Variants in MAF observed in about 807,000 individuals in gnomAD.
MAF encodes the protein transcription factor Maf.
MAF carries 10 observed loss-of-function variants against 22.0 expected under a neutral mutation model. That is an observed-to-expected ratio of 0.45 (90% CI 0.28 to 0.77). The LOEUF is 0.77. MAF is among the 30% of genes least tolerant of loss of function. The pLI, the probability that MAF is intolerant of heterozygous loss-of-function variation, is 0.12. For missense variants in MAF, 544 were observed against 548.4 expected, an observed-to-expected ratio of 0.99 and a Z score of 0.08; for synonymous variants, 337 against 255.8, an observed-to-expected ratio of 1.32 and a Z score of -3.03.
chr16:79,564,977 G>C, the MAF span, among the ~76,000 whole-genome samples: 1 of 152,192 alleles, frequency 6.6e-6, no homozygotes, highest in Non-Finnish European at 1.5e-5. Context: ...CCTTACACAT[G>C]TCTTACATCT....
chr16:79,512,395 G>T, the MAF span, among the ~76,000 whole-genome samples: 1 of 152,162 alleles, frequency 6.6e-6, no homozygotes, highest in African/African-American at 2.4e-5. Context: ...CTGCACATGA[G>T]CTTTGAGGGT....
At chr16:79,385,711 G>T in the MAF span, among the ~76,000 whole-genome samples, 4 of 152,054 alleles carry the variant, frequency 2.6e-5, no homozygotes, top group Non-Finnish European at 5.9e-5. Context: ...GATGAGCCTG[G>T]CCAACATGGC....
In MAF at chr16:79,599,749, C is replaced by G. The variant is rs1597849227; in HGVS notation, c.154G>C (p.Gly52Arg). The G allele has an allele frequency of 6.2e-7, 1 of 1,612,904 alleles. No individual in the cohort carries two copies. Residue 52 changes from glycine to arginine, a missense_variant, in exon 1 of 2, where the codon GGG becomes CGG. By Grantham distance (125) the Gly-to-Arg change is moderately radical. Coordinates refer to ENST00000326043, the MANE Select transcript of MAF (RefSeq NM_005360.5). ...IISQCGRLIA[G>R]GSLSSTPMST... Reference sequence around the variant, plus strand: ...ATGGGGGTGGAGGACAGCGAGCCCCCGGCGATGAGACGGCCGCACTGGCTG... The same window carrying G: ...ATGGGGGTGGAGGACAGCGAGCCCCGGGCGATGAGACGGCCGCACTGGCTG...
chr16:79,312,709 A>G, the MAF span, among the ~76,000 whole-genome samples: 2 of 152,226 alleles, frequency 1.3e-5, no homozygotes, highest in East Asian at 1.9e-4. Context: ...CGCTACTTTC[A>G]TATCTAATCG....
At chr16:79,458,993 T>A in the MAF span, among the ~76,000 whole-genome samples, 1 of 152,146 alleles carries the variant, frequency 6.6e-6, no homozygotes, top group African/African-American at 2.4e-5. Flanking sequence ...CTTTCCCAGA[T>A]TTCCTGGGAA....
chr16:79,475,179 G>A, the MAF span, among the ~76,000 whole-genome samples: 7 of 152,124 alleles, frequency 4.6e-5, no homozygotes, highest in African/African-American at 1.7e-4. Context: ...GAGTTTAGAA[G>A]AATTGGAAGG....
the MAF span, among the ~76,000 whole-genome samples, chr16:79,322,831 GC>G: frequency 6.6e-6 from 1 of 152,036 alleles, no homozygotes; most frequent in South Asian, 2.1e-4. Context: ...CATAGTCCCT[GC>G]CAAAGGGTTC....
At chr16:79,210,308 G>A in the MAF span, among the ~76,000 whole-genome samples, 1 of 152,100 alleles carries the variant, frequency 6.6e-6, no homozygotes, top group Non-Finnish European at 1.5e-5. Context: ...CCTTCCTTGG[G>A]ACCCTATTTC....
At chr16:79,520,542 G>T in the MAF span, among the ~76,000 whole-genome samples, 1 of 152,094 alleles carries the variant, frequency 6.6e-6, no homozygotes, top group African/African-American at 2.4e-5. Context: ...TGGATAAGTA[G>T]TACATAAATA....
At chr16:79,529,938 G>A in the MAF span, among the ~76,000 whole-genome samples, 2 of 149,334 alleles carry the variant, frequency 1.3e-5, no homozygotes, top group African/African-American at 2.5e-5. Context: ...TCCAGCCTGG[G>A]CAACAAGAGT....
At chr16:79,412,651 C>A in the MAF span, among the ~76,000 whole-genome samples, 3 of 152,120 alleles carry the variant, frequency 2.0e-5, no homozygotes, top group Non-Finnish European at 4.4e-5. Context: ...TCAAGCTAAG[C>A]CTTGGTTTTC....
chr16:79,297,494 T>C, the MAF span, among the ~76,000 whole-genome samples: 2 of 152,172 alleles, frequency 1.3e-5, no homozygotes, highest in Admixed American at 6.5e-5. Flanking sequence ...GCATCCCAAG[T>C]TGACCATATT....
downstream of MAF, among the ~76,000 whole-genome samples, chr16:79,582,426 A>G (rs1349283982): frequency 6.6e-6 from 1 of 152,202 alleles, no homozygotes; most frequent in African/African-American, 2.4e-5. Flanking sequence ...CTAAATGCTT[A>G]ATGTTTCTTT....
chr16:79,388,305 T>C, the MAF span, among the ~76,000 whole-genome samples: 2 of 152,158 alleles, frequency 1.3e-5, no homozygotes, highest in Non-Finnish European at 2.9e-5. Flanking sequence ...TTCTGGGCTG[T>C]TAAGATTTCT....
the MAF span, among the ~76,000 whole-genome samples, chr16:79,375,786 G>A: frequency 6.6e-6 from 1 of 152,188 alleles, no homozygotes; most frequent in Non-Finnish European, 1.5e-5. Flanking sequence ...CCTTTTCTCT[G>A]TCCTGCTGCA....
the MAF span, among the ~76,000 whole-genome samples, chr16:79,480,780 T>C: frequency 3.9e-5 from 6 of 152,072 alleles, no homozygotes; most frequent in Non-Finnish European, 8.8e-5. Flanking sequence ...GAGTGTAGAA[T>C]AGATAATGAT....
chr16:79,359,651 T>C, the MAF span, among the ~76,000 whole-genome samples: 2 of 152,344 alleles, frequency 1.3e-5, no homozygotes, highest in Non-Finnish European at 2.9e-5. Flanking sequence ...GTAAATAATC[T>C]GATTTTTTTG....
At chr16:79,441,737 T>C in the MAF span, among the ~76,000 whole-genome samples, 1 of 152,094 alleles carries the variant, frequency 6.6e-6, no homozygotes, top group South Asian at 2.1e-4. Flanking sequence ...AGAAGAAAGA[T>C]GTTTTGGGGG....
chr16:79,487,951 G>C, the MAF span, among the ~76,000 whole-genome samples: 3 of 152,264 alleles, frequency 2.0e-5, no homozygotes, highest in African/African-American at 4.8e-5. Context: ...ACAATGCTCA[G>C]GTTAAGAAAC....
Sources: allele counts gnomAD v4.1 joint callset (sites outside exome capture counted in the v4.1 genomes callset), GRCh38; gene constraint gnomAD v4.1.1; transcripts MANE v1.5; gene names NCBI Gene and HGNC (gene_info 2026-07-23, HGNC 2026-07-21).